Variants in SEMA5A observed in about 807,000 individuals in gnomAD.
The protein encoded by SEMA5A is semaphorin-5A.
In SEMA5A, 55 loss-of-function variants were observed where a neutral mutation model predicts 135.5. That is an observed-to-expected ratio of 0.41 (90% CI 0.33 to 0.51). SEMA5A has a LOEUF of 0.51. Ranked by LOEUF, SEMA5A falls within the 20% of genes least tolerant of loss-of-function variation. SEMA5A has a pLI of 0.37. For synonymous variants in SEMA5A, 580 were observed against 546.5 expected (o/e 1.06, Z -0.85); for missense variants, 1,290 against 1,419.9 (o/e 0.91, Z 1.47).
At chr5:9,130,791 C>A (rs1337649407) in intron 13 of SEMA5A, among the ~76,000 whole-genome samples, 2 of 152,202 alleles carry the variant, frequency 1.3e-5, no homozygotes, top group Non-Finnish European at 2.9e-5. Flanking sequence ...ATGACCGTGT[C>A]ACCCCTGCTT....
intron 4 of SEMA5A, among the ~76,000 whole-genome samples, chr5:9,324,988 C>T (rs538200996): frequency 2.6e-5 from 4 of 152,294 alleles, no homozygotes; most frequent in African/African-American, 9.6e-5. Context: ...CTTCATAACA[C>T]CCCTAGATGT....
At chr5:9,134,626 A>T (rs1741629151) in intron 13 of SEMA5A, among the ~76,000 whole-genome samples, 1 of 152,250 alleles carries the variant, frequency 6.6e-6, no homozygotes, top group African/African-American at 2.4e-5. Flanking sequence ...CTCCCATTAC[A>T]GATAGTAATA....
At chr5:9,439,412 T>C (rs1434165084) in intron 1 of SEMA5A, among the ~76,000 whole-genome samples, 2 of 152,256 alleles carry the variant, frequency 1.3e-5, no homozygotes, top group Non-Finnish European at 1.5e-5. Context: ...AATGTCCTTG[T>C]AGTTGTTTAG....
At chr5:9,154,380 G>T in intron 12 of SEMA5A, 108 bp downstream of exon 12, 1 of 869,848 alleles carries the variant, frequency 1.1e-6, no homozygotes, top group East Asian at 2.6e-5. Context: ...AGGCATGAAG[G>T]GTGGCTCTGA....
At chr5:9,166,975 A>C (rs1008375074) in intron 11 of SEMA5A, among the ~76,000 whole-genome samples, 1 of 152,134 alleles carries the variant, frequency 6.6e-6, no homozygotes, top group African/African-American at 2.4e-5. Flanking sequence ...CAGAGTCTAA[A>C]TTACCCTCTA....
At chr5:9,380,987 A>G (rs1458084327) in intron 2 of SEMA5A, among the ~76,000 whole-genome samples, 1 of 152,186 alleles carries the variant, frequency 6.6e-6, no homozygotes, top group Non-Finnish European at 1.5e-5. Flanking sequence ...AGGAAGAGGT[A>G]CGCAACATGT....
chr5:9,127,159 G>A (rs537169682), intron 13 of SEMA5A, among the ~76,000 whole-genome samples: 16 of 152,270 alleles, frequency 1.1e-4, no homozygotes, highest in South Asian at 2.1e-4. Context: ...GTTAGCCTGC[G>A]ACGTTAAAAG....
At chr5:9,167,646 G>A (rs964590754) in intron 11 of SEMA5A, among the ~76,000 whole-genome samples, 24 of 152,154 alleles carry the variant, frequency 1.6e-4, no homozygotes, top group Admixed American at 8.5e-4. Flanking sequence ...CCTCTGGTCC[G>A]GGTGGAGTGG....
intron 4 of SEMA5A, 32 bp downstream of exon 4, chr5:9,337,681 T>C: frequency 1.3e-6 from 2 of 1,489,186 alleles, no homozygotes. Flanking sequence ...AGTCCAAAAA[T>C]ATCTGTGGTG....
chr5:9,282,685 A>T (rs1248782707), intron 5 of SEMA5A, among the ~76,000 whole-genome samples: 1 of 152,044 alleles, frequency 6.6e-6, no homozygotes, highest in East Asian at 1.9e-4. Context: ...GGATAAAGGG[A>T]CCCCCAAACA....
At chr5:9,475,017 C>T (rs140662547) in intron 1 of SEMA5A, among the ~76,000 whole-genome samples, 264 of 152,384 alleles carry the variant, frequency 1.7e-3, no homozygotes, top group Non-Finnish European at 3.2e-3. Context: ...TCTCAGCTCA[C>T]TGCAACCTCC....
At chr5:9,090,062 A>C (rs1160299843) in intron 16 of SEMA5A, among the ~76,000 whole-genome samples, 1 of 152,152 alleles carries the variant, frequency 6.6e-6, no homozygotes, top group Non-Finnish European at 1.5e-5. Flanking sequence ...ATCCTGATGA[A>C]TTTACTCTGT....
chr5:9,470,225 A>G (rs773127099), intron 1 of SEMA5A, among the ~76,000 whole-genome samples: 1 of 152,210 alleles, frequency 6.6e-6, no homozygotes, highest in Non-Finnish European at 1.5e-5. Context: ...GTGTGTCCCC[A>G]GGTTGCACAA....
chr5:9,158,769 C>G (rs1286627799), intron 11 of SEMA5A, among the ~76,000 whole-genome samples: 2 of 152,186 alleles, frequency 1.3e-5, no homozygotes, highest in East Asian at 3.9e-4. Context: ...AGGGACAGAG[C>G]TACTTCAAGA....
chr5:9,271,981 A>AC (rs1468263323), intron 5 of SEMA5A, among the ~76,000 whole-genome samples: 2 of 151,818 alleles, frequency 1.3e-5, no homozygotes, highest in Admixed American at 6.6e-5. Context: ...GTTTTTTCAT[A>AC]CCCCAGTGGC....
rs958275492 is a variant in SEMA5A at position 9,323,288 on chromosome 5, T to C, written c.225-4871A>G. ...CGAATAAATGGCCATTCAACAAAAGTATTTTTATTATGGCAAATTTAAATC... is the reference window on the plus strand; with the variant it reads ...CGAATAAATGGCCATTCAACAAAAGCATTTTTATTATGGCAAATTTAAATC... On this transcript the variant is annotated intron_variant, in intron 4 of 22. Coordinates refer to ENST00000382496, the MANE Select transcript of SEMA5A (RefSeq NM_003966.3). 5.9e-5 allele frequency among the ~76,000 whole-genome samples: 9 copies of C among 152,366 alleles called. No individual in the cohort carries two copies. The East Asian group carries it at 1.7e-3, about 29-fold the overall frequency.
chr5:9,291,885 T>C (rs959239686), intron 5 of SEMA5A, among the ~76,000 whole-genome samples: 1 of 151,910 alleles, frequency 6.6e-6, no homozygotes, highest in Non-Finnish European at 1.5e-5. Context: ...TAGGTAGCAA[T>C]TAATAACTGA....
chr5:9,166,362 G>A (rs1245704518), intron 11 of SEMA5A, among the ~76,000 whole-genome samples: 5 of 152,080 alleles, frequency 3.3e-5, no homozygotes, highest in African/African-American at 9.7e-5. Flanking sequence ...GTGACCGAGC[G>A]CAGATCCCTC....
At chr5:9,288,395 G>A (rs1036094711) in intron 5 of SEMA5A, among the ~76,000 whole-genome samples, 15 of 152,184 alleles carry the variant, frequency 9.9e-5, no homozygotes, top group African/African-American at 2.7e-4. Flanking sequence ...GGTGGGAATC[G>A]CAGCTCGGAC....
Sources: allele counts gnomAD v4.1 joint callset (sites outside exome capture counted in the v4.1 genomes callset), GRCh38; gene constraint gnomAD v4.1.1; transcripts MANE v1.5; gene names NCBI Gene and HGNC (gene_info 2026-07-23, HGNC 2026-07-21).